Variants in SLC25A26 observed in about 807,000 individuals in gnomAD.
The protein encoded by SLC25A26 is solute carrier family 25 member 26, also known as mitochondrial S-adenosylmethionine carrier protein.
Under a neutral mutation model 37.8 loss-of-function variants are expected in SLC25A26, and 36 were observed. The observed-to-expected ratio is 0.95, with a 90% CI of 0.73 to 1.26. SLC25A26 has a LOEUF of 1.26. SLC25A26 is among the 50% of genes most tolerant of loss of function. SLC25A26 has a pLI of 0.00. For missense variants in SLC25A26, 390 were observed against 331.1 expected (o/e 1.18, Z -1.38); for synonymous variants, 129 against 122.5 (o/e 1.05, Z -0.35).
At chr3:66,336,251 G>A (rs1245611488) in intron 5 of SLC25A26, among the ~76,000 whole-genome samples, 1 of 152,154 alleles carries the variant, frequency 6.6e-6, no homozygotes. Flanking sequence ...ACATTTGATA[G>A]AATAATAAGT....
upstream of SLC25A26, among the ~76,000 whole-genome samples, chr3:66,219,975 G>A (rs372625829): frequency 6.6e-6 from 1 of 152,140 alleles, no homozygotes. Context: ...GCTATTCTGC[G>A]TATCATTTCT....
intron 3 of SLC25A26, among the ~76,000 whole-genome samples, chr3:66,243,696 A>G (rs994197295): frequency 1.3e-5 from 2 of 152,238 alleles, no homozygotes; most frequent in African/African-American, 2.4e-5. Context: ...TGGGTCAGCC[A>G]CAAGAGAAAT....
chr3:66,156,855 A>T (rs1261841369), intron 1 of SLC25A26, among the ~76,000 whole-genome samples: 2 of 152,064 alleles, frequency 1.3e-5, no homozygotes, highest in African/African-American at 4.8e-5. Flanking sequence ...TGTTCACTTC[A>T]ACTTTAGGCC....
At chr3:66,373,646 C>T (rs1465808218) in intron 9 of SLC25A26, among the ~76,000 whole-genome samples, 2 of 151,222 alleles carry the variant, frequency 1.3e-5, no homozygotes, top group Admixed American at 6.6e-5. Flanking sequence ...AAGTTTCTGT[C>T]CTCACCACCC....
intron 1 of SLC25A26, among the ~76,000 whole-genome samples, chr3:66,149,727 G>A (rs2070172526): frequency 6.6e-6 from 1 of 152,218 alleles, no homozygotes; most frequent in Non-Finnish European, 1.5e-5. Flanking sequence ...ACTGTAAAAT[G>A]TGTGCTCCTA....
At chr3:66,354,331 A>G (rs1396104056) in intron 6 of SLC25A26, among the ~76,000 whole-genome samples, 1 of 152,208 alleles carries the variant, frequency 6.6e-6, no homozygotes, top group East Asian at 1.9e-4. Context: ...GCAAAATGAA[A>G]ATAAAATCAG....
intron 7 of SLC25A26, among the ~76,000 whole-genome samples, chr3:66,366,824 G>C (rs2076833588): frequency 6.6e-6 from 1 of 152,078 alleles, no homozygotes; most frequent in African/African-American, 2.4e-5. Flanking sequence ...CATTACTTTT[G>C]GAGTCATCAT....
intron 5 of SLC25A26, among the ~76,000 whole-genome samples, chr3:66,269,696 T>A (rs2073887860): frequency 6.6e-6 from 1 of 152,292 alleles, no homozygotes; most frequent in East Asian, 1.9e-4. Context: ...ATATACTATT[T>A]CCTGCTTATC....
At chr3:66,133,857 G>A (rs566819719) in exon 1 of SLC25A26, 3 of 152,256 alleles carry the variant, frequency 2.0e-5, no homozygotes, top group African/African-American at 7.2e-5. Context: ...CCATTAACAC[G>A]GGCTCATCAC....
At chr3:66,371,646 TG>T (rs1393926198) in intron 9 of SLC25A26, among the ~76,000 whole-genome samples, 5 of 151,914 alleles carry the variant, frequency 3.3e-5, no homozygotes, top group African/African-American at 1.2e-4. Flanking sequence ...AAGGGCCTAG[TG>T]GGGGGCATGT....
chr3:66,350,711 TGTGA>T (rs113101976), intron 6 of SLC25A26, among the ~76,000 whole-genome samples: 44,064 of 144,114 alleles, frequency 0.31, 7,114 homozygotes, highest in East Asian at 0.68. Flanking sequence ...TGTGTGTGTG[TGTGA>T]GCGCGCGCGT....
intron 5 of SLC25A26, among the ~76,000 whole-genome samples, chr3:66,308,117 T>G (rs1297083962): frequency 6.6e-6 from 1 of 152,210 alleles, no homozygotes; most frequent in Non-Finnish European, 1.5e-5. Context: ...ATGATATTGA[T>G]TCTTCCTATC....
chr3:66,252,996 G>A (rs1054163626), intron 3 of SLC25A26, among the ~76,000 whole-genome samples: 4 of 141,448 alleles, frequency 2.8e-5, no homozygotes, highest in African/African-American at 5.3e-5. Flanking sequence ...AAAATTTGCC[G>A]TTGGTTACTG....
intron 2 of SLC25A26, among the ~76,000 whole-genome samples, chr3:66,242,527 A>G (rs1576693790): frequency 1.3e-5 from 2 of 152,184 alleles, no homozygotes; most frequent in African/African-American, 2.4e-5. Flanking sequence ...CCTTCAGAAG[A>G]TGAATTTGTC....
At chr3:66,257,359 A>G (rs546803560) in intron 3 of SLC25A26, among the ~76,000 whole-genome samples, 4 of 151,458 alleles carry the variant, frequency 2.6e-5, no homozygotes, top group Non-Finnish European at 5.9e-5. Flanking sequence ...AAAATGAATT[A>G]AAAAAAAAGA....
intron 2 of SLC25A26, among the ~76,000 whole-genome samples, chr3:66,242,661 T>C (rs1471293218): frequency 1.9e-5 from 2 of 105,630 alleles, no homozygotes; most frequent in Non-Finnish European, 5.1e-5. Context: ...AGGGGTAGCT[T>C]TTTAGAGGTT....
At chr3:66,280,525 A>G (rs771006168) in intron 5 of SLC25A26, among the ~76,000 whole-genome samples, 4 of 152,202 alleles carry the variant, frequency 2.6e-5, no homozygotes, top group Non-Finnish European at 5.9e-5. Flanking sequence ...TACATAAAGC[A>G]CGAAACACTG....
intron 8 of SLC25A26, 61 bp downstream of exon 8, chr3:66,369,603 C>A: frequency 7.3e-7 from 1 of 1,372,438 alleles, no homozygotes; most frequent in Non-Finnish European, 1.0e-6. Flanking sequence ...AGCACTAGGA[C>A]TACAGGTGTA....
chr3:66,134,207 C>G (rs1452119147), intron 1 of SLC25A26, among the ~76,000 whole-genome samples: 1 of 152,130 alleles, frequency 6.6e-6, no homozygotes, highest in Non-Finnish European at 1.5e-5. Context: ...TTGTGATAAC[C>G]TTTGACACTT....
Sources: allele counts gnomAD v4.1 joint callset (sites outside exome capture counted in the v4.1 genomes callset), GRCh38; gene constraint gnomAD v4.1.1; transcripts MANE v1.5; gene names NCBI Gene and HGNC (gene_info 2026-07-23, HGNC 2026-07-21).